The following ZNF362 variants were observed in gnomAD, a reference collection of about 807,000 sequenced individuals.
ZNF362 encodes rotund homolog.
ZNF362 carries 11 observed loss-of-function variants against 42.9 expected under a neutral mutation model. The observed-to-expected ratio is 0.26, with a 90% CI of 0.16 to 0.42. The LOEUF (loss-of-function observed/expected upper bound fraction) is 0.42, where lower values mean the gene tolerates loss of function less well. Among genes scored for constraint, ZNF362 ranks in the 20% least tolerant of loss-of-function variants. ZNF362 has a pLI of 1.00. For synonymous variants in ZNF362, 255 were observed against 257.3 expected, an observed-to-expected ratio of 0.99 and a Z score of 0.09; for missense variants, 362 against 576.2, an observed-to-expected ratio of 0.63 and a Z score of 3.81.
At chr1:33,166,199 G>A in the ZNF362 span, 1 of 152,352 alleles carries the variant, frequency 6.6e-6, no homozygotes, top group Admixed American at 6.5e-5. Context: ...GGAAAAACAA[G>A]CTCAGGGCTC....
chr1:33,157,487 C>T, the ZNF362 span, among the ~76,000 whole-genome samples: 1 of 152,156 alleles, frequency 6.6e-6, no homozygotes, highest in East Asian at 1.9e-4. Context: ...TTCCCAGCCC[C>T]CTTCCTTATT....
upstream of ZNF362, among the ~76,000 whole-genome samples, chr1:33,252,639 G>T (rs1406303406): frequency 6.6e-6 from 1 of 152,186 alleles, no homozygotes; most frequent in African/African-American, 2.4e-5. Context: ...CAGAGCTGGG[G>T]TCTTCCTCAC....
chr1:33,137,087 C>T, the ZNF362 span, among the ~76,000 whole-genome samples: 1 of 152,028 alleles, frequency 6.6e-6, no homozygotes, highest in Admixed American at 6.5e-5. Context: ...TGGGTTCACC[C>T]AGCTGTGCCA....
intron 6 of ZNF362, among the ~76,000 whole-genome samples, chr1:33,288,630 A>T (rs1335999573): frequency 6.6e-6 from 1 of 150,854 alleles, no homozygotes; most frequent in Non-Finnish European, 1.5e-5. Flanking sequence ...CTGTAGTCCC[A>T]GCTACTTGGG....
chr1:33,191,133 C>A, the ZNF362 span, among the ~76,000 whole-genome samples: 1 of 152,186 alleles, frequency 6.6e-6, no homozygotes, highest in African/African-American at 2.4e-5. Flanking sequence ...TCATTGCTAT[C>A]TTTGTGACAA....
At position 33,270,209 on chromosome 1, in the gene ZNF362, G is replaced by C. The variant is rs151201625; in HGVS notation, c.-88-278G>C. On this transcript the variant is annotated intron_variant, in intron 1 of 8. Coordinates refer to ENST00000539719, the MANE Select transcript of ZNF362 (RefSeq NM_152493.3). ...CTACTTGTGAAGAGTTTGAAGTCTG[G>C]TGGGGAGGACACCCGGGAAAATATA... is the stretch of plus-strand genomic sequence containing the variant. Among the ~76,000 whole-genome samples, 1,211 of 152,338 alleles carry C rather than the reference G, an allele frequency of 7.9e-3. 13 individuals are homozygous for C. Among genetic ancestry groups the C allele is most frequent in the African/African-American group, 0.026 (1,076 of 41,572 alleles).
At position 33,299,029 on chromosome 1, in the gene ZNF362, C is replaced by T. The variant is rs1052913451; in HGVS notation, c.1246C>T (p.Arg416Ter). The change falls in exon 9 of 9, where the codon CGA (arginine) becomes TGA (stop). Residue 416 changes from arginine to a stop codon, truncating the protein, a stop_gained. Transcript: ENST00000539719. LOFTEE classifies it high-confidence loss of function. ...GACGGAGTCCCCCGGCATCCCGGTG[C>T]GAATCTCTCTCATCTGAGCCCACTG... ...QRTESPGIPVRISLI is the reference protein window; with the variant it reads ...QRTESPGIPV The T allele has an allele frequency of 4.3e-6, 7 of 1,610,042 alleles. No homozygotes were observed. Among genetic ancestry groups the T allele is most frequent in the East Asian group, 2.2e-5 (1 of 44,878 alleles).
the ZNF362 span, among the ~76,000 whole-genome samples, chr1:33,193,247 T>G: frequency 6.6e-6 from 1 of 152,168 alleles, no homozygotes; most frequent in African/African-American, 2.4e-5. Context: ...TGCATTAGTA[T>G]GGGTGTGAGA....
intron 6 of ZNF362, among the ~76,000 whole-genome samples, chr1:33,285,791 C>T (rs938662626): frequency 4.6e-5 from 7 of 152,144 alleles, no homozygotes; most frequent in Non-Finnish European, 7.3e-5. Flanking sequence ...GGCCGGGTGC[C>T]ATGGCTCACG....
chr1:33,274,894 G>A (rs530971435), intron 2 of ZNF362: 1 of 940,996 alleles, frequency 1.1e-6, no homozygotes, highest in Non-Finnish European at 1.3e-6. Flanking sequence ...TTCAAGTAAA[G>A]ATCACAAGAG....
chr1:33,252,114 A>G (rs1645764295), upstream of ZNF362, among the ~76,000 whole-genome samples: 1 of 152,224 alleles, frequency 6.6e-6, no homozygotes, highest in African/African-American at 2.4e-5. Context: ...GCACTTTGGG[A>G]GGCTGAGGCG....
the ZNF362 span, among the ~76,000 whole-genome samples, chr1:33,234,538 G>A: frequency 9.2e-5 from 14 of 152,262 alleles, no homozygotes; most frequent in Non-Finnish European, 1.8e-4. Context: ...CCATCCAGGG[G>A]CCTTTGAACT....
the ZNF362 span, among the ~76,000 whole-genome samples, chr1:33,248,766 G>A: frequency 6.6e-6 from 1 of 152,188 alleles, no homozygotes; most frequent in South Asian, 2.1e-4. Flanking sequence ...TACTGAGATT[G>A]AAGGAGATGG....
the ZNF362 span, among the ~76,000 whole-genome samples, chr1:33,173,932 C>T: frequency 6.6e-6 from 1 of 152,036 alleles, no homozygotes; most frequent in Non-Finnish European, 1.5e-5. Flanking sequence ...CTCCTAGCTT[C>T]TGGCCTCAAA....
At chr1:33,238,788 G>A in the ZNF362 span, among the ~76,000 whole-genome samples, 87 of 152,120 alleles carry the variant, frequency 5.7e-4, no homozygotes, top group Non-Finnish European at 5.9e-4. Flanking sequence ...CCCCCTGAGC[G>A]TTCTATCTCT....
At chr1:33,136,364 C>G in the ZNF362 span, among the ~76,000 whole-genome samples, 2 of 144,154 alleles carry the variant, frequency 1.4e-5, no homozygotes, top group East Asian at 4.1e-4. Context: ...CTCTCTCTGT[C>G]TTTCTTTCTT....
the ZNF362 span, among the ~76,000 whole-genome samples, chr1:33,200,779 G>C: frequency 6.6e-6 from 1 of 152,178 alleles, no homozygotes; most frequent in African/African-American, 2.4e-5. Flanking sequence ...GGGCTAAATT[G>C]TGTACCCTTT....
At chr1:33,293,071 A>C (rs1217312303) in intron 6 of ZNF362, among the ~76,000 whole-genome samples, 1 of 152,144 alleles carries the variant, frequency 6.6e-6, no homozygotes, top group African/African-American at 2.4e-5. Context: ...AGGGGAGAGA[A>C]GTGTGGGAGG....
chr1:33,252,430 A>C (rs6694356), upstream of ZNF362, among the ~76,000 whole-genome samples: 4,504 of 152,320 alleles, frequency 0.03, 210 homozygotes, highest in African/African-American at 0.1. Context: ...ATGGTAACTG[A>C]GAAGGTCACA....
Sources: allele counts gnomAD v4.1 joint callset (sites outside exome capture counted in the v4.1 genomes callset), GRCh38; gene constraint gnomAD v4.1.1; transcripts MANE v1.5; gene names NCBI Gene and HGNC (gene_info 2026-07-23, HGNC 2026-07-21).